The following RGS7 variants were observed in gnomAD, a reference collection of about 807,000 sequenced individuals.
RGS7 encodes regulator of G-protein signaling 7.
A neutral mutation model predicts 81.1 loss-of-function variants in RGS7; 27 were observed. The ratio of observed to expected loss-of-function variants is 0.33; its 90% CI spans 0.25 to 0.46. The LOEUF is 0.46. Among genes scored for constraint, RGS7 ranks in the 20% least tolerant of loss-of-function variants. The probability of loss-of-function intolerance (pLI) is 1.00; values close to 1 mark genes in which losing one functional copy is unlikely to be tolerated. For synonymous variants in RGS7, 208 were observed against 207.7 expected, an observed-to-expected ratio of 1.00 and a Z score of -0.01; for missense variants, 396 against 607.4, an observed-to-expected ratio of 0.65 and a Z score of 3.66.
At chr1:241,198,778 T>TA (rs2073271280) in intron 2 of RGS7, among the ~76,000 whole-genome samples, 1 of 152,330 alleles carries the variant, frequency 6.6e-6, no homozygotes, top group Middle Eastern at 3.4e-3. Flanking sequence ...ATACCAATCT[T>TA]ACGTTAAGTT....
intron 2 of RGS7, among the ~76,000 whole-genome samples, chr1:241,150,568 G>A (rs1019248931): frequency 5.9e-5 from 9 of 152,222 alleles, no homozygotes; most frequent in African/African-American, 2.2e-4. Context: ...CTCCCATAGG[G>A]AGTGTGGGGG....
At chr1:241,209,528 C>A (rs1335668248) in intron 2 of RGS7, among the ~76,000 whole-genome samples, 1 of 152,062 alleles carries the variant, frequency 6.6e-6, no homozygotes, top group African/African-American at 2.4e-5. Flanking sequence ...AAGCACTGTT[C>A]TAATAATTTA....
At chr1:241,091,407 A>G (rs1233700753) in intron 3 of RGS7, among the ~76,000 whole-genome samples, 1 of 151,654 alleles carries the variant, frequency 6.6e-6, no homozygotes, top group Admixed American at 6.6e-5. Flanking sequence ...AATTAGCCAA[A>G]TGTGGTGGCA....
intron 9 of RGS7, among the ~76,000 whole-genome samples, chr1:240,834,179 C>T (rs2147841642): frequency 6.6e-6 from 1 of 152,328 alleles, no homozygotes; most frequent in East Asian, 1.9e-4. Context: ...CAGCCCTCCT[C>T]CTCCCGACCC....
intron 6 of RGS7, among the ~76,000 whole-genome samples, chr1:240,921,599 A>G (rs1489265522): frequency 6.6e-6 from 1 of 152,134 alleles, no homozygotes; most frequent in African/African-American, 2.4e-5. Context: ...AAAAAAAGTC[A>G]GCGGTTTTCC....
At chr1:241,235,687 TCTCTCTTTCTC>T (rs2075920900) in intron 2 of RGS7, among the ~76,000 whole-genome samples, 1 of 28,782 alleles carries the variant, frequency 3.5e-5, no homozygotes, top group Non-Finnish European at 8.0e-5. Flanking sequence ...TTTCTTTCTC[TCTCTCTTTCTC>T]TCTTTCCTTC....
intron 9 of RGS7, among the ~76,000 whole-genome samples, chr1:240,859,185 A>G (rs897346828): frequency 6.6e-6 from 1 of 152,084 alleles, no homozygotes; most frequent in South Asian, 2.1e-4. Flanking sequence ...TAAATTTTTG[A>G]GACAGGGTCT....
intron 9 of RGS7, among the ~76,000 whole-genome samples, chr1:240,858,143 T>C (rs1661499155): frequency 6.6e-6 from 1 of 152,220 alleles, no homozygotes; most frequent in South Asian, 2.1e-4. Context: ...ATAGTTATTT[T>C]TTGAAGGACA....
At chr1:241,159,394 C>G (rs1347556758) in intron 2 of RGS7, among the ~76,000 whole-genome samples, 1 of 152,172 alleles carries the variant, frequency 6.6e-6, no homozygotes, top group Non-Finnish European at 1.5e-5. Context: ...AAAGAAACCC[C>G]TTTTCTCCTC....
At chr1:240,818,804 T>G (rs555759458) in intron 10 of RGS7, among the ~76,000 whole-genome samples, 1 of 152,130 alleles carries the variant, frequency 6.6e-6, no homozygotes, top group Non-Finnish European at 1.5e-5. Context: ...AAAAGAAAGC[T>G]CTTGGTCAAC....
chr1:241,245,375 A>T (rs2076470380), intron 2 of RGS7, among the ~76,000 whole-genome samples: 1 of 151,982 alleles, frequency 6.6e-6, no homozygotes, highest in Admixed American at 6.6e-5. Flanking sequence ...CTGCCGTGTA[A>T]GTGTGCTCAC....
chr1:240,870,233 G>T (rs1572512685), intron 6 of RGS7, 114 bp from the exon 7 acceptor site: 4 of 878,492 alleles, frequency 4.6e-6, no homozygotes, highest in Admixed American at 3.9e-5. Context: ...TGTAATTTTT[G>T]ATCATTTTCT....
intron 3 of RGS7, among the ~76,000 whole-genome samples, chr1:241,090,448 C>T (rs893586596): frequency 1.3e-5 from 2 of 151,702 alleles, no homozygotes; most frequent in Admixed American, 6.6e-5. Context: ...CATACCCAAG[C>T]GAAAATACTG....
intron 2 of RGS7, among the ~76,000 whole-genome samples, chr1:241,223,039 C>G (rs1018583349): frequency 6.6e-6 from 1 of 152,068 alleles, no homozygotes; most frequent in African/African-American, 2.4e-5. Flanking sequence ...GTATATGTGG[C>G]ACATTTTCTT....
rs750668634 is a variant in RGS7 at position 240,816,405 on chromosome 1, C to T, written c.695G>A (p.Gly232Asp). Residue 232 changes from glycine (G) to aspartate (D), a missense_variant, in exon 11 of 19, where the codon GGT becomes GAT. Physicochemically the swap from Gly to Asp is moderately conservative, Grantham distance 94 (BLOSUM62 -1). Coordinates refer to ENST00000440928, the MANE Select transcript of RGS7 (RefSeq NM_001364886.1). The stretch of plus-strand genomic sequence containing the variant: ...GTGACTTCTAATATCATTTTGTAAA[C>T]CATAGACAGACTATATTAAAATAAA... Reference protein sequence around the residue: ...NPHKTRKSVYGLQNDIRSHSP... With the variant: ...NPHKTRKSVYDLQNDIRSHSP... 4 of 1,587,702 alleles carry T rather than the reference C, an allele frequency of 2.5e-6. No homozygotes were observed. Among genetic ancestry groups the T allele is most frequent in the Non-Finnish European group, 3.5e-6 (4 of 1,156,136 alleles).
chr1:241,091,251 T>A (rs534269220), intron 3 of RGS7, among the ~76,000 whole-genome samples: 1 of 152,252 alleles, frequency 6.6e-6, no homozygotes, highest in South Asian at 2.1e-4. Flanking sequence ...ACAGATGTCA[T>A]CAAAATAATA....
chr1:240,850,685 A>C (rs953487239), intron 9 of RGS7, among the ~76,000 whole-genome samples: 10 of 152,220 alleles, frequency 6.6e-5, no homozygotes, highest in African/African-American at 2.4e-4. Context: ...CTTTTGAGCC[A>C]AACAGCCAAG....
chr1:240,941,395 G>A (rs1478661642), intron 4 of RGS7, among the ~76,000 whole-genome samples: 2 of 142,062 alleles, frequency 1.4e-5, no homozygotes, highest in South Asian at 2.1e-4. Flanking sequence ...TGAAAAATCA[G>A]AAAGTTGGGG....
Position 240,975,875 on chromosome 1 carries a change from G to T in RGS7, c.226+7204C>A, listed in dbSNP as rs182614651. ...ACACGAACGTGGAAGAACGTTGCCAGTAATGGCCCCAATTTGCTCACACAG... is the reference window on the plus strand; with the variant it reads ...ACACGAACGTGGAAGAACGTTGCCATTAATGGCCCCAATTTGCTCACACAG... On this transcript the variant is annotated intron_variant, in intron 4 of 18. Transcript: ENST00000440928. Among the ~76,000 whole-genome samples, 38 of 152,374 alleles carry T rather than the reference G, an allele frequency of 2.5e-4. 1 individual carries two copies. The East Asian group carries it at 3.1e-3, about 12-fold the overall frequency.
Sources: allele counts gnomAD v4.1 joint callset (sites outside exome capture counted in the v4.1 genomes callset), GRCh38; gene constraint gnomAD v4.1.1; transcripts MANE v1.5; gene names NCBI Gene and HGNC (gene_info 2026-07-23, HGNC 2026-07-21).